SOX5: variants seen among roughly 807,000 people sequenced by gnomAD.
SOX5 encodes SRY-box transcription factor 5.
In SOX5, 9 loss-of-function variants were observed where a neutral mutation model predicts 92.0. That is an observed-to-expected ratio of 0.10 (90% CI 0.06 to 0.17). The LOEUF (loss-of-function observed/expected upper bound fraction) is 0.17. Among genes scored for constraint, SOX5 ranks in the 10% least tolerant of loss-of-function variants. SOX5 has a pLI of 1.00. For synonymous variants in SOX5, 344 were observed against 336.3 expected, an observed-to-expected ratio of 1.02 and a Z score of -0.25; for missense variants, 642 against 944.5, an observed-to-expected ratio of 0.68 and a Z score of 4.20.
intron 1 of SOX5, among the ~76,000 whole-genome samples, chr12:24,506,874 TCCGCCTCCCGGGTTCACACCATTCTC>T (rs1290879648): frequency 7.4e-6 from 1 of 135,236 alleles, no homozygotes; most frequent in Non-Finnish European, 1.5e-5. Context: ...CACTGTAAGC[TCCGCCTCCCGGGTTCACACCATTCTC>T]CTGCCTCAGC....
chr12:23,541,794 A>ATCTT (rs1942103269), intron 13 of SOX5, among the ~76,000 whole-genome samples: 1 of 152,164 alleles, frequency 6.6e-6, no homozygotes, highest in African/African-American at 2.4e-5. Context: ...GGCATCTATT[A>ATCTT]TCTTTGTTGA....
At chr12:24,409,060 G>A (rs1271920391) in intron 1 of SOX5, among the ~76,000 whole-genome samples, 1 of 152,156 alleles carries the variant, frequency 6.6e-6, no homozygotes, top group African/African-American at 2.4e-5. Context: ...CAATAGCAAA[G>A]ACAGGGAACC....
chr12:24,056,702 G>T (rs959599015), intron 4 of SOX5, among the ~76,000 whole-genome samples: 10 of 151,992 alleles, frequency 6.6e-5, no homozygotes, highest in Non-Finnish European at 1.2e-4. Flanking sequence ...CAGGCCGGGC[G>T]CGGTGGCTCA....
chr12:24,114,573 C>CAAAAAAAAAAAAAAAAAA (rs55913110), intron 4 of SOX5, among the ~76,000 whole-genome samples: 19 of 40,590 alleles, frequency 4.7e-4, no homozygotes, highest in African/African-American at 8.5e-4. Context: ...CACCCCGTCA[C>CAAAAAAAAAAAAAAAAAA]AAAAAAAAAA....
At chr12:23,676,548 T>C (rs1006984873) in intron 6 of SOX5, among the ~76,000 whole-genome samples, 4 of 145,336 alleles carry the variant, frequency 2.8e-5, no homozygotes, top group African/African-American at 5.2e-5. Flanking sequence ...CTAGGGCTGT[T>C]GCAACGAATA....
At chr12:23,707,269 T>C (rs905784134) in intron 6 of SOX5, among the ~76,000 whole-genome samples, 2 of 152,170 alleles carry the variant, frequency 1.3e-5, no homozygotes, top group African/African-American at 2.4e-5. Flanking sequence ...GCTGGTTCTT[T>C]AGGTCATCCA....
At chr12:23,992,024 C>A (rs1592136706) in intron 4 of SOX5, among the ~76,000 whole-genome samples, 2 of 152,150 alleles carry the variant, frequency 1.3e-5, no homozygotes, top group South Asian at 4.2e-4. Flanking sequence ...CATCTTTCAT[C>A]ATCATCAGTA....
intron 8 of SOX5, among the ~76,000 whole-genome samples, chr12:23,612,455 AAATTG>A (rs2076081954): frequency 1.3e-5 from 2 of 152,264 alleles, no homozygotes; most frequent in African/African-American, 4.8e-5. Flanking sequence ...GTCACTTCTA[AAATTG>A]CACATAAACA....
At chr12:23,726,720 G>A (rs1021447423) in intron 6 of SOX5, among the ~76,000 whole-genome samples, 1 of 152,114 alleles carries the variant, frequency 6.6e-6, no homozygotes, top group Non-Finnish European at 1.5e-5. Context: ...TTTGGGAAGA[G>A]GTTGAAAAGT....
intron 4 of SOX5, among the ~76,000 whole-genome samples, chr12:24,016,457 T>C (rs1006030643): frequency 6.6e-6 from 1 of 152,082 alleles, no homozygotes; most frequent in African/African-American, 2.4e-5. Flanking sequence ...AAAAACCAAT[T>C]GGCCAGGGAC....
At chr12:23,960,532 T>TATATATATATAC (rs1555451984) in intron 4 of SOX5, among the ~76,000 whole-genome samples, 827 of 31,476 alleles carry the variant, frequency 0.026, 12 homozygotes, top group African/African-American at 0.047. Context: ...TATATATACA[T>TATATATATATAC]ATATATATAT....
chr12:24,434,384 T>C (rs931889849), intron 1 of SOX5, among the ~76,000 whole-genome samples: 1 of 152,196 alleles, frequency 6.6e-6, no homozygotes, highest in African/African-American at 2.4e-5. Flanking sequence ...GCTTCTTCCA[T>C]GGCCTATCAA....
intron 8 of SOX5, among the ~76,000 whole-genome samples, chr12:23,635,241 G>T (rs2079071314): frequency 6.6e-6 from 1 of 152,094 alleles, no homozygotes; most frequent in Admixed American, 6.6e-5. Context: ...ATTTCCTGGG[G>T]TTATTCCAGG....
intron 4 of SOX5, among the ~76,000 whole-genome samples, chr12:24,138,072 T>C (rs1243487187): frequency 2.0e-5 from 3 of 152,244 alleles, no homozygotes; most frequent in Non-Finnish European, 4.4e-5. Context: ...GAAAAAGGTA[T>C]CATGCTATTT....
chr12:24,286,612 A>C (rs1049958605), intron 2 of SOX5, among the ~76,000 whole-genome samples: 1 of 152,186 alleles, frequency 6.6e-6, no homozygotes, highest in South Asian at 2.1e-4. Context: ...ATCATAGCTC[A>C]TTGCAACCTC....
intron 10 of SOX5, among the ~76,000 whole-genome samples, chr12:23,564,457 G>T (rs1351778644): frequency 6.6e-6 from 1 of 152,150 alleles, no homozygotes; most frequent in Non-Finnish European, 1.5e-5. Flanking sequence ...TGTGACACGA[G>T]GCTAAATCTA....
intron 6 of SOX5, among the ~76,000 whole-genome samples, chr12:23,690,687 C>T (rs2088610175): frequency 6.6e-6 from 1 of 152,162 alleles, no homozygotes. Context: ...CTCAACCTGT[C>T]GAATGGCCTT....
chr12:23,608,115 G>GAAAAAAAAAAAAAAAAAAAA (rs772255622), intron 8 of SOX5, among the ~76,000 whole-genome samples: 2 of 44,084 alleles, frequency 4.5e-5, no homozygotes, highest in Non-Finnish European at 4.3e-5. Flanking sequence ...AAAGAAAAAA[G>GAAAAAAAAAAAAAAAAAAAA]AAAAAAAAAA....
In SOX5 at chr12:24,325,910, G is replaced by A. The variant is rs12299829; in HGVS notation, c.-174+42653C>T. On this transcript the variant is annotated intron_variant, in intron 2 of 4. Transcript: ENST00000446891. ...GTTGCGCACACGTGCACGCGCGCGC[G>A]TGTGTGTGTATGTTAGATAAGATGT... is the stretch of plus-strand genomic sequence containing the variant. Among the ~76,000 whole-genome samples the A allele has an allele frequency of 4.7e-3, 716 of 152,092 alleles. 9 individuals are homozygous for A. Among genetic ancestry groups the A allele is most frequent in the African/African-American group, 0.016 (668 of 41,546 alleles).
Sources: gnomAD v4.1 joint callset for allele counts (sites outside exome capture counted in the v4.1 genomes callset) on GRCh38, gnomAD v4.1.1 for gene constraint, MANE v1.5 for transcripts, NCBI Gene and HGNC (gene_info 2026-07-23, HGNC 2026-07-21) for gene names.